The following MMP14 variants were observed in gnomAD, a reference collection of about 807,000 sequenced individuals.
MMP14 encodes the protein matrix metallopeptidase 14, also known as matrix metalloproteinase-14.
In MMP14, 13 loss-of-function variants were observed where a neutral mutation model predicts 64.8. The ratio of observed to expected loss-of-function variants is 0.20; its 90% CI spans 0.13 to 0.32. The LOEUF (loss-of-function observed/expected upper bound fraction) is 0.32, where lower values mean the gene tolerates loss of function less well. MMP14 is among the 10% of genes least tolerant of loss of function. The pLI, the probability that MMP14 is intolerant of heterozygous loss-of-function variation, is 1.00. For missense variants in MMP14, 594 were observed against 783.8 expected (o/e 0.76, Z 2.89); for synonymous variants, 322 against 315.9 (o/e 1.02, Z -0.20).
At chr14:22,837,347 C>T (rs757096699) in intron 1 of MMP14, 3 of 457,450 alleles carry the variant, frequency 6.6e-6, no homozygotes, top group South Asian at 4.6e-5. Flanking sequence ...GACTTCCCAG[C>T]TCTCCAGCGC....
At position 22,842,179 on chromosome 14, in the gene MMP14, C is replaced by T; in HGVS notation, c.380+144C>T. ...TGGGAGTGGGGAGGAAAATGGCTCTCATCCTTGAGAGAGGTGTAGCCATCA... is the reference window on the plus strand; with the variant it reads ...TGGGAGTGGGGAGGAAAATGGCTCTTATCCTTGAGAGAGGTGTAGCCATCA... On this transcript the variant is annotated intron_variant, in intron 3 of 9. Transcript: ENST00000311852. This position sits in a 1 kb window ranked among gnomAD's most constrained non-coding sequence, Gnocchi z 5.3. 1 of 1,213,214 alleles carries T rather than the reference C, an allele frequency of 8.2e-7. No homozygotes were observed. The highest frequency in any genetic ancestry group is 1.2e-6 in the Non-Finnish European group (1 of 859,486). 75.2% of individuals were successfully genotyped at this position (1,213,214 alleles called of 1,614,324 possible). A position where few individuals can be genotyped will look rare whatever the true frequency, so the allele number is the denominator to read the frequency against.
intron 1 of MMP14, chr14:22,837,444 G>A (rs2138733821): frequency 2.2e-6 from 1 of 454,544 alleles, no homozygotes; most frequent in Middle Eastern, 3.3e-4. Flanking sequence ...CCAGGTGGGG[G>A]TCGAGGGTGG....
chr14:22,846,256 G>A lies in MMP14; in HGVS notation c.*217G>A. The A allele has an allele frequency of 1.8e-6, 1 of 541,462 alleles. No homozygotes were observed. Among genetic ancestry groups the A allele is most frequent in the Non-Finnish European group, 3.2e-6 (1 of 310,484 alleles). The allele number at this position is 541,462 out of a possible 1,614,324, so 33.5% of individuals were successfully genotyped here. ...TCCCTAGATAGGTCCCCTGAGGGCT[G>A]AGTGGGAGGGCGGCCCTTTCCAGCC... On this transcript the variant is annotated 3_prime_UTR_variant, in exon 10 of 10. Transcript: ENST00000311852.
chr14:22,844,348 T>G, intron 6 of MMP14, 23 bp from the exon 7 acceptor site: 1 of 1,613,886 alleles, frequency 6.2e-7, no homozygotes, highest in Non-Finnish European at 8.5e-7. Flanking sequence ...TAATGGACTT[T>G]TCCTGCATTG....
intron 6 of MMP14, among the ~76,000 whole-genome samples, chr14:22,844,113 C>T (rs1247221133): frequency 1.3e-5 from 2 of 151,638 alleles, no homozygotes; most frequent in Admixed American, 6.6e-5. Context: ...AGGAGAATCA[C>T]GTGAACCTGG....
rs2039777421 is a variant in MMP14, at chr14:22,842,177, C to G, written c.380+142C>G. 1 of 1,238,786 alleles carries G rather than the reference C, an allele frequency of 8.1e-7. No individual in the cohort carries two copies. Among genetic ancestry groups the G allele is most frequent in the Non-Finnish European group, 1.1e-6 (1 of 881,598 alleles). The allele number at this position is 1,238,786 out of a possible 1,614,324, so 76.7% of individuals were successfully genotyped here. A position where few individuals can be genotyped will look rare whatever the true frequency, so the allele number is the denominator to read the frequency against. Reference sequence around the variant, plus strand: ...CGTGGGAGTGGGGAGGAAAATGGCTCTCATCCTTGAGAGAGGTGTAGCCAT... The same window carrying G: ...CGTGGGAGTGGGGAGGAAAATGGCTGTCATCCTTGAGAGAGGTGTAGCCAT... On this transcript the variant is annotated intron_variant, in intron 3 of 9. Coordinates refer to ENST00000311852, the MANE Select transcript of MMP14 (RefSeq NM_004995.4). The surrounding 1 kb of genome is among the most constrained non-coding windows in gnomAD (Gnocchi z 5.3).
intron 1 of MMP14, chr14:22,837,410 G>A (rs1388647833): frequency 4.4e-6 from 2 of 455,830 alleles, no homozygotes; most frequent in East Asian, 7.0e-5. Context: ...GGGTGGCCCA[G>A]GCCTTCAGCG....
In MMP14 at chr14:22,843,630, G is replaced by A. The variant is rs561853830; in HGVS notation, c.851-80G>A. Reference sequence around the variant, plus strand: ...AGAAGCCCATCCACACCTTTCCAAGGGTATTGTCTGCCCATCTGTCTGTCC... The same window carrying A: ...AGAAGCCCATCCACACCTTTCCAAGAGTATTGTCTGCCCATCTGTCTGTCC... On this transcript the variant is annotated intron_variant, in intron 5 of 9. Transcript: ENST00000311852. The surrounding 1 kb of genome is among the most constrained non-coding windows in gnomAD (Gnocchi z 4.8). The A allele has an allele frequency of 5.6e-5, 83 of 1,493,284 alleles. 1 individual carries two copies. The East Asian group carries it at 1.9e-3, about 34-fold the overall frequency. The allele number at this position is 1,493,284 out of a possible 1,614,324, so 92.5% of individuals were successfully genotyped here.
In MMP14 at chr14:22,845,292, A is replaced by T. The variant is rs757253086; in HGVS notation, c.1343A>T (p.Glu448Val). ...FNEELRAVDSEYPKNIKVWEG... is the reference protein window; with the variant it reads ...FNEELRAVDSVYPKNIKVWEG... ...GAAGAGCTCAGGGCAGTGGATAGCGAGTACCCCAAGAACATCAAAGTCTGG... is the reference window on the plus strand; with the variant it reads ...GAAGAGCTCAGGGCAGTGGATAGCGTGTACCCCAAGAACATCAAAGTCTGG... Residue 448 changes from glutamate to valine, a missense_variant, in exon 9 of 10, where the codon GAG becomes GTG. This residue lies in a region of MMP14 where 364 missense variants were observed against 425.2 expected (regional missense o/e 0.86). Transcript: ENST00000311852. 9 of 1,613,630 alleles carry T rather than the reference A, an allele frequency of 5.6e-6. No individual in the cohort carries two copies. The highest frequency in any genetic ancestry group is 7.6e-6 in the Non-Finnish European group (9 of 1,179,898).
At chr14:22,840,714 G>A (rs2039767203) in intron 1 of MMP14, among the ~76,000 whole-genome samples, 1 of 152,106 alleles carries the variant, frequency 6.6e-6, no homozygotes, top group African/African-American at 2.4e-5. Flanking sequence ...GTTTCACCGT[G>A]TTAGCCAGGA....
Position 22,846,259 on chromosome 14 carries a change from T to G in MMP14, c.*220T>G. The G allele has an allele frequency of 1.9e-6, 1 of 528,264 alleles. No individual in the cohort carries two copies. The highest frequency in any genetic ancestry group is 3.1e-5 in the South Asian group (1 of 32,654). 32.7% of individuals were successfully genotyped at this position (528,264 alleles called of 1,614,324 possible). ...CTAGATAGGTCCCCTGAGGGCTGAGTGGGAGGGCGGCCCTTTCCAGCCTCT... is the reference window on the plus strand; with the variant it reads ...CTAGATAGGTCCCCTGAGGGCTGAGGGGGAGGGCGGCCCTTTCCAGCCTCT... On this transcript the variant is annotated 3_prime_UTR_variant, in exon 10 of 10. Coordinates refer to ENST00000311852, the MANE Select transcript of MMP14 (RefSeq NM_004995.4).
At chr14:22,845,173 G>C in intron 8 of MMP14, 78 bp from the exon 9 acceptor site, 1 of 1,036,654 alleles carries the variant, frequency 9.6e-7, no homozygotes, top group Non-Finnish European at 1.5e-6. Flanking sequence ...TTTGCCCACT[G>C]GTGGATTCGG....
At chr14:22,839,564 T>A (rs566051380) in intron 1 of MMP14, among the ~76,000 whole-genome samples, 92 of 152,300 alleles carry the variant, frequency 6.0e-4, no homozygotes, top group Middle Eastern at 6.8e-3. Context: ...GCTGGGTTGT[T>A]TACATCTCGG....
At position 22,842,392 on chromosome 14, in the gene MMP14, C is replaced by T; in HGVS notation, c.381-18C>T. ...ATCCTAACACACCCCATCCTCTCCC[C>T]ACGTGGCTGGACCTCAGCATCCAGA... is the stretch of plus-strand genomic sequence containing the variant. On this transcript the variant is annotated intron_variant, in intron 3 of 9. Coordinates refer to ENST00000311852, the MANE Select transcript of MMP14 (RefSeq NM_004995.4). This position sits in a 1 kb window ranked among gnomAD's most constrained non-coding sequence, Gnocchi z 5.3. The T allele has an allele frequency of 6.3e-7, 1 of 1,599,044 alleles. No homozygotes were observed. Among genetic ancestry groups the T allele is most frequent in the Non-Finnish European group, 8.5e-7 (1 of 1,171,486 alleles).
At position 22,845,733 on chromosome 14, in the gene MMP14, C is replaced by T. The variant is rs2039807866; in HGVS notation, c.1443C>T (p.Asn481=). The T allele has an allele frequency of 1.2e-6, 2 of 1,614,098 alleles. No individual in the cohort carries two copies. ...DEVFTYFYKG[N]KYWKFNNQKL... is the part of the protein sequence containing the mutation. ...TCTTCACTTACTTCTACAAGGGGAACAAATACTGGAAATTCAACAACCAGA... is the reference window on the plus strand; with the variant it reads ...TCTTCACTTACTTCTACAAGGGGAATAAATACTGGAAATTCAACAACCAGA... The change falls in exon 10 of 10, where the codon AAC becomes AAT. Residue 481 remains asparagine (N), a synonymous_variant. Transcript: ENST00000311852.
chr14:22,840,798 C>T (rs1289434471), intron 1 of MMP14, among the ~76,000 whole-genome samples: 1 of 152,226 alleles, frequency 6.6e-6, no homozygotes, highest in Non-Finnish European at 1.5e-5. Flanking sequence ...GTGTGAGCCA[C>T]CGCGCCCGGC....
chr14:22,845,208 C>T (rs2039803484), intron 8 of MMP14, 43 bp from the exon 9 acceptor site: 1 of 1,458,510 alleles, frequency 6.9e-7, no homozygotes. Flanking sequence ...CTCCTGAGGA[C>T]ATGCCCAGTG....
rs1160351372 is a variant in MMP14 at position 22,842,027 on chromosome 14, C to T, written c.372C>T (p.Ile124=). 6.2e-7 allele frequency: 1 copy of T among 1,614,214 alleles called. No homozygotes were observed. The highest frequency in any genetic ancestry group is 8.5e-7 in the Non-Finnish European group (1 of 1,180,036). Reference sequence around the variant, plus strand: ...GTCTCAAATGGCAACATAATGAAATCACTTTCTGGTGAGTCCAACAGGCAA... The same window carrying T: ...GTCTCAAATGGCAACATAATGAAATTACTTTCTGGTGAGTCCAACAGGCAA... ...IQGLKWQHNE[I]TFCIQNYTPK... is the part of the protein sequence containing the mutation. The change falls in exon 3 of 10, where the codon ATC becomes ATT. Residue 124 remains isoleucine (I), a synonymous_variant. Transcript: ENST00000311852. The surrounding 1 kb of genome is among the most constrained non-coding windows in gnomAD (Gnocchi z 5.3).
At position 22,843,478 on chromosome 14, in the gene MMP14, G is replaced by A. The variant is rs372750369; in HGVS notation, c.850+60G>A. 55 of 1,565,652 alleles carry A rather than the reference G, an allele frequency of 3.5e-5. No individual in the cohort carries two copies. The Middle Eastern group carries it at 5.1e-4, about 15-fold the overall frequency. On this transcript the variant is annotated intron_variant, in intron 5 of 9. Coordinates refer to ENST00000311852, the MANE Select transcript of MMP14 (RefSeq NM_004995.4). The surrounding 1 kb of genome is among the most constrained non-coding windows in gnomAD (Gnocchi z 4.8). ...TGCTGCTTGTTCCCTCCTGGTCTAC[G>A]CATTTCCCCTCTTTTATGCCTTGCA...
Sources: gnomAD v4.1 joint callset for allele counts (sites outside exome capture counted in the v4.1 genomes callset) on GRCh38, gnomAD v4.1.1 for gene constraint, gnomAD v4.1.1 regional missense constraint, Gnocchi (gnomAD v3.1) non-coding constraint, MANE v1.5 for transcripts, NCBI Gene and HGNC (gene_info 2026-07-23, HGNC 2026-07-21) for gene names.